The following CACNA1F variants were observed in gnomAD, a reference collection of about 807,000 sequenced individuals.
The protein encoded by CACNA1F is calcium voltage-gated channel subunit alpha1 F, also known as voltage-dependent L-type calcium channel subunit alpha-1F.
A neutral mutation model predicts 143.8 loss-of-function variants in CACNA1F; 59 were observed. The ratio of observed to expected loss-of-function variants is 0.41; its 90% CI spans 0.33 to 0.51. The LOEUF is 0.51. Ranked by LOEUF, CACNA1F falls within the 20% of genes least tolerant of loss-of-function variation. The pLI is 0.22. For missense variants in CACNA1F, 1,411 were observed against 1,647.5 expected (o/e 0.86, Z 2.48); for synonymous variants, 643 against 649.1 (o/e 0.99, Z 0.14).
At chrX:49,230,181 AG>A in intron 6 of CACNA1F, 38 bp downstream of exon 6, 1 of 1,150,086 alleles carries the variant, frequency 8.7e-7, no homozygotes, top group Non-Finnish European at 1.2e-6. Flanking sequence ...GAACCGAAGG[AG>A]GGGGCATGTT....
rs2065809021 is a variant in CACNA1F at position 49,224,919 on chromosome X, G to C, written c.1719C>G (p.Gly573=). The part of the protein sequence containing the change: ...VEMLLKLYGL[G]PSAYVSSFFN... Reference sequence around the variant, plus strand: ...AGAAGGAAGACACATAGGCAGAGGGGCCCAGACCGTACAATTTGAGAAGCA... The same window carrying C: ...AGAAGGAAGACACATAGGCAGAGGGCCCCAGACCGTACAATTTGAGAAGCA... Residue 573 remains glycine (G), a synonymous_variant, in exon 14 of 48, where the codon GGC becomes GGG. Coordinates refer to ENST00000323022, the MANE Select transcript of CACNA1F (RefSeq NM_001256789.3). 1 of 1,206,538 alleles carries C rather than the reference G, an allele frequency of 8.3e-7. No individual in the cohort carries two copies. The highest frequency in any genetic ancestry group is 2.2e-5 in the Admixed American group (1 of 45,670).
At chrX:49,208,872 C>T (rs1179235867) in intron 42 of CACNA1F, 188 bp from the exon 43 acceptor site, 19 of 471,073 alleles carry the variant, frequency 4.0e-5, no homozygotes, top group Admixed American at 3.6e-4. Flanking sequence ...TGTCACCAGG[C>T]GGGAGTGCAG....
chrX:49,222,674 C>A, intron 16 of CACNA1F, 44 bp downstream of exon 16: 1 of 1,210,462 alleles, frequency 8.3e-7, no homozygotes. Flanking sequence ...CCCTTACCCA[C>A]CCCGACTCCA....
chrX:49,232,067 G>C, intron 1 of CACNA1F, 140 bp from the exon 2 acceptor site: 4 of 576,829 alleles, frequency 6.9e-6, no homozygotes, highest in Non-Finnish European at 1.1e-5. Flanking sequence ...CTGGGTTAAG[G>C]ACTGGGAAGT....
chrX:49,213,986 A>G lies in CACNA1F; in HGVS notation c.3709-84T>C, dbSNP rs2065684392. On this transcript the variant is annotated intron_variant, in intron 30 of 47. Coordinates refer to ENST00000323022, the MANE Select transcript of CACNA1F (RefSeq NM_001256789.3). ...GGCCAGTAGTAGTAGGGGGCGCCGG[A>G]GGGGGGCAGGGCTTCGCTTGGATCA... is the stretch of plus-strand genomic sequence containing the variant. The G allele has an allele frequency of 4.2e-6, 3 of 709,289 alleles. No individual in the cohort carries two copies. In the Admixed American group the frequency reaches 7.6e-5, roughly 18 times the overall value. The allele number at this position is 709,289 out of a possible 1,213,427, so 58.5% of individuals were successfully genotyped here.
chrX:49,228,863 G>A (rs374637190), intron 6 of CACNA1F, among the ~76,000 whole-genome samples: 3 of 111,959 alleles, frequency 2.7e-5, no homozygotes, highest in African/African-American at 9.7e-5. Flanking sequence ...CACCGTGCCC[G>A]GCCAGTCCTA....
At chrX:49,228,937 A>C (rs1471382990) in intron 6 of CACNA1F, among the ~76,000 whole-genome samples, 1 of 111,998 alleles carries the variant, frequency 8.9e-6, no homozygotes, top group Admixed American at 9.4e-5. Context: ...CCGTATTCTG[A>C]ACCACTGGGA....
chrX:49,207,363 G>A (rs999335765), intron 43 of CACNA1F, among the ~76,000 whole-genome samples: 1 of 112,059 alleles, frequency 8.9e-6, no homozygotes, highest in Non-Finnish European at 1.9e-5. Flanking sequence ...GAGACACCTT[G>A]AACACAAAAC....
At chrX:49,213,691 G>A (rs1411869198) in intron 31 of CACNA1F, 128 bp downstream of exon 31, 4 of 555,499 alleles carry the variant, frequency 7.2e-6, no homozygotes, top group Non-Finnish European at 9.9e-6. Flanking sequence ...GCTAGAATGA[G>A]GACTGAGTCT....
In CACNA1F at chrX:49,209,876, G is replaced by C. The variant is rs1854974094; in HGVS notation, c.4690+65C>G. 3 of 1,136,991 alleles carry C rather than the reference G, an allele frequency of 2.6e-6. No homozygotes were observed. In the Admixed American group the frequency reaches 6.5e-5, roughly 25 times the overall value. The allele number at this position is 1,136,991 out of a possible 1,213,427, so 93.7% of individuals were successfully genotyped here. On this transcript the variant is annotated intron_variant, in intron 40 of 47. Coordinates refer to ENST00000323022, the MANE Select transcript of CACNA1F (RefSeq NM_001256789.3). ...TCGCCCTCTGCCCAGCGCTGGTTTT[G>C]TGGTGGAGAGCGATCATCTGCCATT...
In CACNA1F at chrX:49,227,108, C is replaced by G. The variant is rs2065834308; in HGVS notation, c.1138G>C (p.Glu380Gln). Reference protein sequence around the residue: ...VLSGEFSKEREKAKARGDFQK... With the variant: ...VLSGEFSKERQKAKARGDFQK... ...AAGTCCCCGCGAGCTTTCGCTTTCT[C>G]TCTCTCCTTGGAGAACTCCCTGAGG... Residue 380 changes from glutamate (E) to glutamine (Q), a missense_variant, in exon 9 of 48, where the codon GAG (glutamate) becomes CAG (glutamine). This residue lies in a region of CACNA1F where 950 missense variants were observed against 1,128.1 expected (regional missense o/e 0.84). Transcript: ENST00000323022. 5 of 1,184,046 alleles carry G rather than the reference C, an allele frequency of 4.2e-6. No homozygotes were observed. Among genetic ancestry groups the G allele is most frequent in the Non-Finnish European group, 5.7e-6 (5 of 881,368 alleles).
rs34162630 is a variant in CACNA1F, at chrX:49,226,037, C to T, written c.1523G>A (p.Arg508Gln). The change falls in exon 13 of 48, where the codon CGG becomes CAG. Residue 508 changes from arginine to glutamine, a missense_variant. This residue lies in a region of CACNA1F where 950 missense variants were observed against 1,128.1 expected (regional missense o/e 0.84). Coordinates refer to ENST00000323022, the MANE Select transcript of CACNA1F (RefSeq NM_001256789.3). Reference sequence around the variant, plus strand: ...CTTCACTGCCCGACGGCAGCGTGCCCGAAGGACCCGGTTGGCTCGGCGGAG... The same window carrying T: ...CTTCACTGCCCGACGGCAGCGTGCCTGAAGGACCCGGTTGGCTCGGCGGAG... ...RRLRRANRVL[R>Q]ARCRRAVKSN... 0.023 allele frequency: 27,731 copies of T among 1,188,489 alleles called. 258 individuals carry two copies. The highest frequency in any genetic ancestry group is 0.027 in the Non-Finnish European group (23,477 of 884,171).
intron 47 of CACNA1F, 35 bp from the exon 48 acceptor site, chrX:49,205,402 G>T: frequency 1.0e-6 from 1 of 991,982 alleles, no homozygotes; most frequent in Non-Finnish European, 1.4e-6. Flanking sequence ...TTGACGGACG[G>T]CACAGTGTGC....
chrX:49,233,255 G>A, intron 1 of CACNA1F, 30 bp downstream of exon 1: 2 of 1,208,761 alleles, frequency 1.7e-6, no homozygotes, highest in Non-Finnish European at 2.2e-6. Context: ...CTTGCTCCAA[G>A]GGTCTGCAGG....
intron 8 of CACNA1F, among the ~76,000 whole-genome samples, 188 bp downstream of exon 8, chrX:49,227,848 A>T (rs2065840110): frequency 8.9e-6 from 1 of 112,370 alleles, no homozygotes; most frequent in Non-Finnish European, 1.9e-5. Context: ...TCAGAATGTA[A>T]AACCAGGAAG....
rs1002498263 is a variant in CACNA1F, at chrX:49,222,815, G to A, written c.2109C>T (p.Asn703=). The change falls in exon 16 of 48, where the codon AAC becomes AAT. Residue 703 remains asparagine (N), a synonymous_variant. Coordinates refer to ENST00000323022, the MANE Select transcript of CACNA1F (RefSeq NM_001256789.3). ...VFQILTGEDW[N]VVMYDGIMAY... ...CCATGATACCATCATACATGACCACGTTCCAGTCCTCACCTGTCAGGATCT... is the reference window on the plus strand; with the variant it reads ...CCATGATACCATCATACATGACCACATTCCAGTCCTCACCTGTCAGGATCT... 58 of 1,208,908 alleles carry A rather than the reference G, an allele frequency of 4.8e-5. No homozygotes were observed. Among genetic ancestry groups the A allele is most frequent in the Non-Finnish European group, 6.4e-5 (57 of 894,748 alleles).
intron 34 of CACNA1F, 27 bp from the exon 35 acceptor site, chrX:49,212,016 T>C (rs781824854): frequency 8.8e-7 from 1 of 1,138,308 alleles, no homozygotes; most frequent in Middle Eastern, 2.4e-4. Flanking sequence ...GCTGTGTCAG[T>C]GGGGTGAACC....
intron 37 of CACNA1F, 116 bp from the exon 38 acceptor site, chrX:49,210,802 G>A (rs1280306516): frequency 2.4e-6 from 2 of 844,780 alleles, no homozygotes; most frequent in African/African-American, 2.0e-5. Flanking sequence ...TGCCAGGGAA[G>A]AACTGGAGGG....
chrX:49,211,444 C>G lies in CACNA1F; in HGVS notation c.4138G>C (p.Ala1380Pro). Residue 1380 changes from alanine (A) to proline (P), a missense_variant, in exon 36 of 48, where the codon GCC becomes CCC. Ala to Pro is a conservative substitution (Grantham distance 27). This residue lies in a region of CACNA1F where 112 missense variants were observed against 169.2 expected (regional missense o/e 0.66). Coordinates refer to ENST00000323022, the MANE Select transcript of CACNA1F (RefSeq NM_001256789.3). ...TCACACCGATTTCCGGGAAGGCTGG[C>G]AAGCATTATCTCCTGCCATGCCTCA... ...TGEAWQEIML[A>P]SLPGNRCDPE... 8.3e-7 allele frequency: 1 copy of G among 1,210,512 alleles called. No homozygotes were observed. The highest frequency in any genetic ancestry group is 1.8e-5 in the South Asian group (1 of 56,955).
Sources: gnomAD v4.1 joint callset for allele counts (sites outside exome capture counted in the v4.1 genomes callset) on GRCh38, gnomAD v4.1.1 for gene constraint, gnomAD v4.1.1 regional missense constraint, MANE v1.5 for transcripts, NCBI Gene and HGNC (gene_info 2026-07-23, HGNC 2026-07-21) for gene names.